Variants in YTHDC2 observed in about 807,000 individuals in gnomAD.
YTHDC2 encodes the protein 3'-5' RNA helicase YTHDC2.
A neutral mutation model predicts 174.9 loss-of-function variants in YTHDC2; 45 were observed. That is an observed-to-expected ratio of 0.26 (90% CI 0.20 to 0.33). The LOEUF (loss-of-function observed/expected upper bound fraction) is 0.33. Ranked by LOEUF, YTHDC2 falls within the 10% of genes least tolerant of loss-of-function variation. The pLI, the probability that YTHDC2 is intolerant of heterozygous loss-of-function variation, is 1.00. For missense variants in YTHDC2, 1,650 were observed against 1,723.7 expected (o/e 0.96, Z 0.76); for synonymous variants, 657 against 574.5 (o/e 1.14, Z -2.05).
chr5:113,519,905 T>G (rs550676839), intron 2 of YTHDC2, among the ~76,000 whole-genome samples: 7 of 152,294 alleles, frequency 4.6e-5, no homozygotes, highest in African/African-American at 7.2e-5. Flanking sequence ...TTATTTTACT[T>G]TAAGTTCTGG....
chr5:113,516,392 G>A (rs1015446454), intron 2 of YTHDC2, among the ~76,000 whole-genome samples: 1 of 152,202 alleles, frequency 6.6e-6, no homozygotes, highest in Non-Finnish European at 1.5e-5. Context: ...TGAGGGAAAA[G>A]TCATTTGAGC....
Position 113,558,374 on chromosome 5 carries a change from T to C in YTHDC2, c.2216+2240T>C, listed in dbSNP as rs1040030579. Among the ~76,000 whole-genome samples the C allele has an allele frequency of 6.6e-5, 10 of 152,354 alleles. No homozygotes were observed. The South Asian group carries it at 2.1e-3, about 32-fold the overall frequency. On this transcript the variant is annotated intron_variant, in intron 17 of 29. Coordinates refer to ENST00000161863, the MANE Select transcript of YTHDC2 (RefSeq NM_022828.5). ...ACCCAGTAGGAGGCTTCTTCATTAA[T>C]ACTTTCCTATAATAAGGGAGAGATG...
At chr5:113,549,135 T>C (rs978883377) in intron 12 of YTHDC2, 115 bp downstream of exon 12, 2 of 856,832 alleles carry the variant, frequency 2.3e-6, no homozygotes, top group Non-Finnish European at 3.4e-6. Flanking sequence ...CCAGAGATTT[T>C]TTTTTGTGAT....
At chr5:113,518,595 G>A (rs912150527) in intron 2 of YTHDC2, among the ~76,000 whole-genome samples, 1 of 134,050 alleles carries the variant, frequency 7.5e-6, no homozygotes, top group Admixed American at 7.8e-5. Context: ...GTGTGTGTGT[G>A]TGTGTATCTG....
Position 113,588,373 on chromosome 5 carries a change from A to G in YTHDC2, c.3826-2668A>G, listed in dbSNP as rs1202697243. Among the ~76,000 whole-genome samples, 3 of 151,878 alleles carry G rather than the reference A, an allele frequency of 2.0e-5. No homozygotes were observed. The East Asian group carries it at 5.8e-4, about 29-fold the overall frequency. On this transcript the variant is annotated intron_variant, in intron 26 of 29. Coordinates refer to ENST00000161863, the MANE Select transcript of YTHDC2 (RefSeq NM_022828.5). ...CACTTGGTCATGGTGTTATTTTTAT[A>G]TATTGCTGGATATAATTTTGTTAAA...
At chr5:113,542,573 A>T in intron 10 of YTHDC2, 70 bp downstream of exon 10, 1 of 1,408,820 alleles carries the variant, frequency 7.1e-7, no homozygotes, top group Non-Finnish European at 9.5e-7. Context: ...TTAATTCAAA[A>T]CGTATGTACT....
intron 17 of YTHDC2, among the ~76,000 whole-genome samples, chr5:113,556,592 A>C (rs1352814059): frequency 6.6e-6 from 1 of 152,210 alleles, no homozygotes; most frequent in Non-Finnish European, 1.5e-5. Flanking sequence ...ATGCAAATTA[A>C]TGAGGTATTA....
chr5:113,575,325 A>G (rs973896217), intron 23 of YTHDC2, among the ~76,000 whole-genome samples: 23 of 152,192 alleles, frequency 1.5e-4, no homozygotes, highest in African/African-American at 5.3e-4. Context: ...CATTGAAGGT[A>G]TAACAGTGTG....
rs746910357 is a variant in YTHDC2 at position 113,581,501 on chromosome 5, C to G, written c.3439C>G (p.Gln1147Glu). Reference protein sequence around the residue: ...RMRAPSKPWSQVDEATIRAII... With the variant: ...RMRAPSKPWSEVDEATIRAII... ...GAGAGCTCCATCTAAACCTTGGTCT[C>G]AAGTTGATGAAGCTACCATAAGAGC... The change falls in exon 25 of 30, where the codon CAA becomes GAA. Residue 1147 changes from glutamine (Q) to glutamate (E), a missense_variant. Transcript: ENST00000161863. 6.2e-7 allele frequency: 1 copy of G among 1,613,964 alleles called. No homozygotes were observed. Among genetic ancestry groups the G allele is most frequent in the South Asian group, 1.1e-5 (1 of 91,076 alleles).
chr5:113,524,372 A>C (rs1189044835), intron 2 of YTHDC2, among the ~76,000 whole-genome samples: 1 of 152,188 alleles, frequency 6.6e-6, no homozygotes, highest in African/African-American at 2.4e-5. Flanking sequence ...TAACTTGAAC[A>C]GTTACAAATC....
At chr5:113,566,310 T>C (rs926903898) in intron 21 of YTHDC2, among the ~76,000 whole-genome samples, 1 of 152,170 alleles carries the variant, frequency 6.6e-6, no homozygotes, top group African/African-American at 2.4e-5. Context: ...TCAATTTAGA[T>C]CTTATAGTTA....
chr5:113,581,648 A>G lies in YTHDC2; in HGVS notation c.3586A>G (p.Asn1196Asp), dbSNP rs1270063291. Reference protein sequence around the residue: ...ELPLASSWRSNNSRKSSADTE... With the variant: ...ELPLASSWRSDNSRKSSADTE... ...TCCTTTGGCCTCATCTTGGAGGTCA[A>G]ATAATAGTAGGAAAAGTTCAGCAGA... Residue 1196 changes from asparagine to aspartate, a missense_variant, in exon 25 of 30, where the codon AAT (asparagine) becomes GAT (aspartate). By Grantham distance (23) the Asn-to-Asp change is conservative. This residue lies in a region of YTHDC2 where 913 missense variants were observed against 940.4 expected (regional missense o/e 0.97). Transcript: ENST00000161863. The G allele has an allele frequency of 6.2e-7, 1 of 1,612,924 alleles. No individual in the cohort carries two copies. The highest frequency in any genetic ancestry group is 1.7e-5 in the Admixed American group (1 of 59,662).
intron 24 of YTHDC2, among the ~76,000 whole-genome samples, chr5:113,580,432 A>G (rs1008964541): frequency 6.6e-6 from 1 of 151,896 alleles, no homozygotes; most frequent in East Asian, 1.9e-4. Context: ...TTGAGGGAGG[A>G]TGAATGTTTC....
chr5:113,516,856 A>G (rs1015818500), intron 2 of YTHDC2, among the ~76,000 whole-genome samples: 2 of 152,198 alleles, frequency 1.3e-5, no homozygotes, highest in African/African-American at 4.8e-5. Flanking sequence ...CTACAGTGAT[A>G]AATTACTGAG....
At chr5:113,572,211 T>G (rs1561690745) in intron 23 of YTHDC2, among the ~76,000 whole-genome samples, 1 of 152,258 alleles carries the variant, frequency 6.6e-6, no homozygotes, top group South Asian at 2.1e-4. Context: ...GATTTCTGCC[T>G]TAATTTTGTT....
chr5:113,517,873 C>T (rs187177523), intron 2 of YTHDC2, among the ~76,000 whole-genome samples: 1 of 151,950 alleles, frequency 6.6e-6, no homozygotes, highest in African/African-American at 2.4e-5. Flanking sequence ...TTCTGTTCAC[C>T]CTTTGACTTT....
chr5:113,567,311 A>C lies in YTHDC2; in HGVS notation c.3048+14A>C. 2 of 1,595,228 alleles carry C rather than the reference A, an allele frequency of 1.3e-6. No individual in the cohort carries two copies. The highest frequency in any genetic ancestry group is 2.3e-5 in the South Asian group (2 of 87,286). On this transcript the variant is annotated intron_variant, in intron 22 of 29. Transcript: ENST00000161863. ...CAATATAAAAAGGTAAAAGATTTTGAATGCTGTTGGGTTTTGAGGTGAAAC... is the reference window on the plus strand; with the variant it reads ...CAATATAAAAAGGTAAAAGATTTTGCATGCTGTTGGGTTTTGAGGTGAAAC...
At chr5:113,577,362 GTGTTTGTTTGTT>G (rs71719068) in intron 23 of YTHDC2, among the ~76,000 whole-genome samples, 1 of 151,106 alleles carries the variant, frequency 6.6e-6, no homozygotes, top group Admixed American at 6.6e-5. Context: ...CAGTTCTTTT[GTGTTTGTTTGTT>G]TGTTTGTTTG....
At chr5:113,581,991 C>T in intron 25 of YTHDC2, 1 of 225,906 alleles carries the variant, frequency 4.4e-6, no homozygotes, top group Non-Finnish European at 8.4e-6. Flanking sequence ...AGAATTGGGT[C>T]TCTCAAAAAT....
Sources: gnomAD v4.1 joint callset for allele counts (sites outside exome capture counted in the v4.1 genomes callset) on GRCh38, gnomAD v4.1.1 for gene constraint, gnomAD v4.1.1 regional missense constraint, MANE v1.5 for transcripts, NCBI Gene and HGNC (gene_info 2026-07-23, HGNC 2026-07-21) for gene names.